PPP4R4: variants seen among roughly 807,000 people sequenced by gnomAD.
The protein encoded by PPP4R4 is serine/threonine-protein phosphatase 4 regulatory subunit 4.
PPP4R4 carries 70 observed loss-of-function variants against 121.8 expected under a neutral mutation model. The observed-to-expected ratio is 0.57, with a 90% CI of 0.47 to 0.70. PPP4R4 has a LOEUF of 0.70. PPP4R4 is among the 30% of genes least tolerant of loss of function. PPP4R4 has a pLI of 0.00. For missense variants in PPP4R4, 875 were observed against 1,033.6 expected (o/e 0.85, Z 2.10); for synonymous variants, 348 against 355.7 (o/e 0.98, Z 0.24).
intron 3 of PPP4R4, 47 bp from the exon 4 acceptor site, chr14:94,230,540 T>C (rs1396388375): frequency 6.6e-7 from 1 of 1,517,510 alleles, no homozygotes; most frequent in Middle Eastern, 1.7e-4. Context: ...AATTATAATT[T>C]GTGATCTCTC....
intron 1 of PPP4R4, chr14:94,175,820 G>T: frequency 1.8e-6 from 1 of 543,354 alleles, no homozygotes; most frequent in Non-Finnish European, 3.3e-6. Context: ...CCAGGAGCTA[G>T]AAGGATAAAA....
chr14:94,266,002 G>T, intron 22 of PPP4R4, 115 bp downstream of exon 22: 1 of 717,070 alleles, frequency 1.4e-6, no homozygotes, highest in East Asian at 3.1e-5. Flanking sequence ...TTTTTTATAG[G>T]CCAGTATTTT....
intron 1 of PPP4R4, 159 bp from the exon 2 acceptor site, chr14:94,175,895 T>C (rs1888653837): frequency 1.6e-6 from 1 of 625,932 alleles, no homozygotes; most frequent in South Asian, 2.0e-5. Context: ...CCGTGATTGA[T>C]GTCGCCTGGT....
Position 94,230,567 on chromosome 14 carries a change from A to G in PPP4R4, c.295-20A>G, listed in dbSNP as rs761942666. The G allele has an allele frequency of 5.7e-6, 9 of 1,588,704 alleles. No individual in the cohort carries two copies. Among genetic ancestry groups the G allele is most frequent in the African/African-American group, 4.4e-5 (3 of 68,864 alleles). ...TGATCTCTCATCTATGTAAATAGCA[A>G]ACTCTTTCTGATTATACAGGAAGCC... On this transcript the variant is annotated intron_variant, in intron 3 of 24. Coordinates refer to ENST00000304338, the MANE Select transcript of PPP4R4 (RefSeq NM_058237.2).
At chr14:94,228,313 T>G (rs1344039130) in intron 3 of PPP4R4, among the ~76,000 whole-genome samples, 3 of 152,022 alleles carry the variant, frequency 2.0e-5, no homozygotes, top group African/African-American at 4.8e-5. Context: ...TGCATAGGAG[T>G]GTTTTGGCAT....
chr14:94,255,040 A>G (rs1169751393), intron 16 of PPP4R4, among the ~76,000 whole-genome samples: 2 of 152,132 alleles, frequency 1.3e-5, no homozygotes, highest in East Asian at 1.9e-4. Context: ...TCCTCACTCT[A>G]TCTCCAGCAT....
At position 94,241,753 on chromosome 14, in the gene PPP4R4, T is replaced by C. The variant is rs1364094812; in HGVS notation, c.977-35T>C. 3 of 1,480,838 alleles carry C rather than the reference T, an allele frequency of 2.0e-6. No homozygotes were observed. In the African/African-American group the frequency reaches 4.3e-5, roughly 21 times the overall value. 91.7% of individuals were successfully genotyped at this position (1,480,838 alleles called of 1,614,324 possible). The stretch of plus-strand genomic sequence containing the variant: ...TCCCTTTTTAAATTTTGTTTTCAAT[T>C]GAAATGTTGAGCTAGTTTTTTATAT... On this transcript the variant is annotated intron_variant, in intron 9 of 24. Transcript: ENST00000304338.
intron 17 of PPP4R4, among the ~76,000 whole-genome samples, chr14:94,257,188 G>T (rs1893520155): frequency 6.6e-6 from 1 of 152,008 alleles, no homozygotes; most frequent in African/African-American, 2.4e-5. Context: ...TTTAGCATGA[G>T]ATCTTAGTAT....
chr14:94,264,836 C>A, intron 19 of PPP4R4, 42 bp from the exon 20 acceptor site: 1 of 1,425,244 alleles, frequency 7.0e-7, no homozygotes, highest in Non-Finnish European at 9.7e-7. Context: ...TCTAGACCTA[C>A]TTCAGTTGTA....
intron 2 of PPP4R4, among the ~76,000 whole-genome samples, chr14:94,189,008 T>C (rs1364291379): frequency 1.3e-5 from 2 of 152,158 alleles, no homozygotes; most frequent in Admixed American, 1.3e-4. Flanking sequence ...TATTGTTGAA[T>C]GATAAGTATG....
chr14:94,244,751 G>A (rs1284914425), intron 12 of PPP4R4, 39 bp downstream of exon 12: 2 of 1,449,048 alleles, frequency 1.4e-6, no homozygotes, highest in East Asian at 2.7e-5. Flanking sequence ...ATTCTTTTAT[G>A]TTTGGTCCAA....
chr14:94,212,900 T>C (rs1341781352), intron 3 of PPP4R4, among the ~76,000 whole-genome samples: 1 of 152,158 alleles, frequency 6.6e-6, no homozygotes, highest in South Asian at 2.1e-4. Flanking sequence ...TCTCTACTTA[T>C]CGAGGTATTA....
intron 23 of PPP4R4, among the ~76,000 whole-genome samples, chr14:94,269,005 ATATCTCCTAGAGTTCTTGGT>A (rs1894184776): frequency 6.6e-6 from 1 of 152,198 alleles, no homozygotes; most frequent in African/African-American, 2.4e-5. Context: ...GTTGAATGAA[ATATCTCCTAGAGTTCTTGGT>A]TAGAAAAAGG....
In PPP4R4 at chr14:94,245,665, A is replaced by G. The variant is rs141901136; in HGVS notation, c.1423A>G (p.Asn475Asp). ...STGGESSVQE[N>D]KLSSLPDLIP... ...TGGTGGAGAAAGCAGTGTTCAAGAA[A>G]ATAAGGTAAACTTCATCTTTCAGAA... Residue 475 changes from asparagine to aspartate, a missense_variant, in exon 13 of 25, where the codon AAT (asparagine) becomes GAT (aspartate). By Grantham distance (23) the Asn-to-Asp change is conservative (BLOSUM62 1). Transcript: ENST00000304338. 32 of 1,581,442 alleles carry G rather than the reference A, an allele frequency of 2.0e-5. No individual in the cohort carries two copies. In the African/African-American group the frequency reaches 4.3e-4, roughly 21 times the overall value.
chr14:94,231,731 C>T (rs1001971237), intron 5 of PPP4R4, among the ~76,000 whole-genome samples: 2 of 152,204 alleles, frequency 1.3e-5, no homozygotes, highest in African/African-American at 4.8e-5. Context: ...TTGAATAGGA[C>T]ATTAATGAGC....
chr14:94,271,123 A>T (rs1894303831), intron 23 of PPP4R4, among the ~76,000 whole-genome samples: 1 of 152,182 alleles, frequency 6.6e-6, no homozygotes, highest in Admixed American at 6.5e-5. Context: ...CCAATTATCT[A>T]CAATCTCTTT....
intron 24 of PPP4R4, among the ~76,000 whole-genome samples, chr14:94,276,518 G>GGCACATCACATGGTAAAA (rs1422959517): frequency 1.3e-5 from 2 of 152,200 alleles, no homozygotes; most frequent in African/African-American, 4.8e-5. Context: ...AGCAGGAGCA[G>GGCACATCACATGGTAAAA]GCACATCACA....
chr14:94,220,177 T>C (rs2139492310), intron 3 of PPP4R4, among the ~76,000 whole-genome samples: 1 of 152,290 alleles, frequency 6.6e-6, no homozygotes, highest in East Asian at 1.9e-4. Flanking sequence ...GCCGAGATTG[T>C]GCCACTGTAT....
Position 94,222,672 on chromosome 14 carries a change from C to T in PPP4R4, c.295-7915C>T, listed in dbSNP as rs138422496. On this transcript the variant is annotated intron_variant, in intron 3 of 24. Transcript: ENST00000304338. ...TTTTTGTCTGTTTGAAAATGTCTTCCACATGCATTTTAAATAGATGTTTTT... is the reference window on the plus strand; with the variant it reads ...TTTTTGTCTGTTTGAAAATGTCTTCTACATGCATTTTAAATAGATGTTTTT... Among the ~76,000 whole-genome samples the T allele has an allele frequency of 1.2e-4, 18 of 151,732 alleles. No individual in the cohort carries two copies. In the East Asian group the frequency reaches 3.5e-3, roughly 29 times the overall value.
Sources: allele counts gnomAD v4.1 joint callset (sites outside exome capture counted in the v4.1 genomes callset), GRCh38; gene constraint gnomAD v4.1.1; transcripts MANE v1.5; gene names NCBI Gene and HGNC (gene_info 2026-07-23, HGNC 2026-07-21).